The following KCNAB1 variants were observed in gnomAD, a reference collection of about 807,000 sequenced individuals.
KCNAB1 encodes potassium voltage-gated channel subfamily A regulatory beta subunit 1, also known as voltage-gated potassium channel subunit beta-1.
In KCNAB1, 35 loss-of-function variants were observed where a neutral mutation model predicts 64.6. The observed-to-expected ratio is 0.54, with a 90% confidence interval of 0.41 to 0.72. KCNAB1 has a LOEUF of 0.72. KCNAB1 is among the 30% of genes least tolerant of loss of function. KCNAB1 has a pLI of 0.00. For missense variants in KCNAB1, 401 were observed against 512.9 expected, an observed-to-expected ratio of 0.78 and a Z score of 2.11; for synonymous variants, 177 against 183.8, an observed-to-expected ratio of 0.96 and a Z score of 0.30.
At chr3:156,122,729 A>G (rs73161075) in intron 1 of KCNAB1, among the ~76,000 whole-genome samples, 1 of 152,148 alleles carries the variant, frequency 6.6e-6, no homozygotes, top group Non-Finnish European at 1.5e-5. Flanking sequence ...AAAAATTAAA[A>G]ATTTCCCATC....
chr3:156,411,392 A>G (rs1278040159), intron 1 of KCNAB1, among the ~76,000 whole-genome samples: 1 of 152,110 alleles, frequency 6.6e-6, no homozygotes, highest in East Asian at 1.9e-4. Flanking sequence ...TAATTTTTTA[A>G]TGGATCATCT....
At chr3:156,189,646 G>T (rs1471123761) in intron 1 of KCNAB1, among the ~76,000 whole-genome samples, 1 of 149,144 alleles carries the variant, frequency 6.7e-6, no homozygotes, top group Non-Finnish European at 1.5e-5. Context: ...TAATATGACA[G>T]TGTGGTTAAA....
intron 1 of KCNAB1, among the ~76,000 whole-genome samples, chr3:156,131,323 G>A (rs1487379319): frequency 1.3e-5 from 2 of 152,204 alleles, no homozygotes; most frequent in Non-Finnish European, 2.9e-5. Context: ...CAGTTTTAGA[G>A]AAAAATCTCC....
At chr3:156,139,735 TA>T (rs2108277168) in intron 1 of KCNAB1, among the ~76,000 whole-genome samples, 1 of 152,204 alleles carries the variant, frequency 6.6e-6, no homozygotes, top group African/African-American at 2.4e-5. Flanking sequence ...ATTGGGAGTT[TA>T]AAATTAAAGC....
chr3:156,260,141 T>A (rs947566730), intron 1 of KCNAB1, among the ~76,000 whole-genome samples: 7 of 152,180 alleles, frequency 4.6e-5, no homozygotes, highest in African/African-American at 1.4e-4. Context: ...TACAGCAGCT[T>A]GTAATGAAGT....
rs553934054 is a variant in KCNAB1, at chr3:156,414,261, T to G, written c.276-7355T>G. On this transcript the variant is annotated intron_variant, in intron 1 of 13. Transcript: ENST00000490337. Reference sequence around the variant, plus strand: ...ATTACAGCTCTCATCACAAAGAGAATGCCAGAGAAGGCTTTCCCTTCATTT... The same window carrying G: ...ATTACAGCTCTCATCACAAAGAGAAGGCCAGAGAAGGCTTTCCCTTCATTT... 6.2e-4 allele frequency among the ~76,000 whole-genome samples: 94 copies of G among 152,330 alleles called. 1 individual carries two copies. The highest frequency in any genetic ancestry group is 2.2e-3 in the African/African-American group (90 of 41,580).
At chr3:156,138,424 C>T (rs1045171787) in intron 1 of KCNAB1, among the ~76,000 whole-genome samples, 1 of 152,210 alleles carries the variant, frequency 6.6e-6, no homozygotes, top group African/African-American at 2.4e-5. Context: ...CATTCCCACT[C>T]CTCTAGCCCC....
intron 1 of KCNAB1, among the ~76,000 whole-genome samples, chr3:156,193,977 GT>G (rs549566545): frequency 3.7e-4 from 56 of 152,220 alleles, no homozygotes; most frequent in African/African-American, 1.3e-3. Context: ...TAACTTTCAA[GT>G]GATAATACAC....
intron 1 of KCNAB1, among the ~76,000 whole-genome samples, chr3:156,261,885 CT>C (rs1718452870): frequency 6.6e-6 from 1 of 151,940 alleles, no homozygotes; most frequent in African/African-American, 2.4e-5. Flanking sequence ...TTATTTAGAT[CT>C]TTAATTGCTC....
At chr3:156,185,826 C>T (rs1713154924) in intron 1 of KCNAB1, among the ~76,000 whole-genome samples, 1 of 151,928 alleles carries the variant, frequency 6.6e-6, no homozygotes, top group Admixed American at 6.6e-5. Context: ...TCTTCTTGTA[C>T]CTTCTGTTTT....
intron 1 of KCNAB1, among the ~76,000 whole-genome samples, chr3:156,377,450 A>G (rs1196519792): frequency 1.3e-5 from 2 of 152,114 alleles, no homozygotes; most frequent in Non-Finnish European, 2.9e-5. Context: ...CAGGGAGAAA[A>G]CAGACCAATG....
intron 1 of KCNAB1, among the ~76,000 whole-genome samples, chr3:156,276,900 T>G (rs556992425): frequency 6.6e-6 from 1 of 152,346 alleles, no homozygotes; most frequent in Admixed American, 6.5e-5. Context: ...TAAGCACTTT[T>G]AATTTCCTTC....
At chr3:156,313,945 AG>A (rs1471000725) in intron 1 of KCNAB1, among the ~76,000 whole-genome samples, 69 of 152,304 alleles carry the variant, frequency 4.5e-4, no homozygotes, top group African/African-American at 1.6e-3. Flanking sequence ...TTAAGCTCAA[AG>A]CCCCCCTTTT....
chr3:156,297,494 T>G (rs1720877772), intron 1 of KCNAB1, among the ~76,000 whole-genome samples: 1 of 151,900 alleles, frequency 6.6e-6, no homozygotes, highest in South Asian at 2.1e-4. Flanking sequence ...AAAAAAAAAT[T>G]AAGAGTTGTA....
intron 8 of KCNAB1, among the ~76,000 whole-genome samples, chr3:156,502,918 G>A (rs1716547033): frequency 6.6e-6 from 1 of 152,084 alleles, no homozygotes; most frequent in South Asian, 2.1e-4. Context: ...GTTTAAATTT[G>A]TTCATTGCCT....
chr3:156,259,634 C>A (rs1718310808), intron 1 of KCNAB1, among the ~76,000 whole-genome samples: 1 of 152,190 alleles, frequency 6.6e-6, no homozygotes, highest in Non-Finnish European at 1.5e-5. Flanking sequence ...GACTTTTATG[C>A]CATTGCCTAG....
At chr3:156,501,032 C>G (rs1430379369) in intron 8 of KCNAB1, among the ~76,000 whole-genome samples, 1 of 152,244 alleles carries the variant, frequency 6.6e-6, no homozygotes, top group East Asian at 1.9e-4. Context: ...GCCTTTCCGT[C>G]TCTACTAGAG....
chr3:156,330,955 T>C (rs558985692), intron 1 of KCNAB1, among the ~76,000 whole-genome samples: 10 of 152,280 alleles, frequency 6.6e-5, no homozygotes, highest in African/African-American at 2.2e-4. Context: ...TTAAAACTAC[T>C]TTCTAAAAAC....
At chr3:156,254,096 C>G (rs1397815172) in intron 1 of KCNAB1, among the ~76,000 whole-genome samples, 1 of 152,182 alleles carries the variant, frequency 6.6e-6, no homozygotes, top group Non-Finnish European at 1.5e-5. Flanking sequence ...AACCAGAGAA[C>G]TTACGATTTT....
Sources: gnomAD v4.1 joint callset for allele counts (sites outside exome capture counted in the v4.1 genomes callset) on GRCh38, gnomAD v4.1.1 for gene constraint, MANE v1.5 for transcripts, NCBI Gene and HGNC (gene_info 2026-07-23, HGNC 2026-07-21) for gene names.